The following PRKCA variants were observed in gnomAD, a reference collection of about 807,000 sequenced individuals.
PRKCA encodes protein kinase C alpha type.
In PRKCA, 27 loss-of-function variants were observed where a neutral mutation model predicts 87.0. That is an observed-to-expected ratio of 0.31 (90% confidence interval 0.23 to 0.43). The LOEUF (loss-of-function observed/expected upper bound fraction) is 0.43, where lower values mean the gene tolerates loss of function less well. Ranked by LOEUF, PRKCA falls within the 20% of genes least tolerant of loss-of-function variation. The pLI is 1.00. For synonymous variants in PRKCA, 329 were observed against 311.1 expected (o/e 1.06, Z -0.61); for missense variants, 518 against 852.3 (o/e 0.61, Z 4.88).
chr17:66,556,323 CTTTTT>C (rs61549626), intron 3 of PRKCA, among the ~76,000 whole-genome samples: 7 of 129,000 alleles, frequency 5.4e-5, no homozygotes, highest in African/African-American at 2.0e-4. Context: ...CTTTCTTCTT[CTTTTT>C]TTTTTTTTTT....
rs532045645 is a variant in PRKCA at position 66,753,825 on chromosome 17, C to T, written c.1524+11065C>T. ...CACAGCGAGAAGGAGGCAGCCAGCA[C>T]GGCACCAAGAGAGGCCTCACCAGAA... On this transcript the variant is annotated intron_variant, in intron 13 of 16. Transcript: ENST00000413366. Among the ~76,000 whole-genome samples the T allele has an allele frequency of 8.5e-5, 13 of 152,218 alleles. No homozygotes were observed. In the East Asian group the frequency reaches 1.6e-3, roughly 18 times the overall value.
intron 2 of PRKCA, among the ~76,000 whole-genome samples, chr17:66,396,878 TC>T (rs1316916343): frequency 3.3e-5 from 5 of 151,632 alleles, no homozygotes; most frequent in Non-Finnish European, 7.4e-5. Flanking sequence ...TGAATACCTT[TC>T]TACATACATA....
intron 4 of PRKCA, 32 bp from the exon 5 acceptor site, chr17:66,645,351 C>T: frequency 6.2e-7 from 1 of 1,613,638 alleles, no homozygotes; most frequent in Non-Finnish European, 8.5e-7. Context: ...AGTCCATATG[C>T]CCAGCTCACC....
chr17:66,670,199 C>A (rs1386125770), intron 5 of PRKCA, among the ~76,000 whole-genome samples: 2 of 151,992 alleles, frequency 1.3e-5, no homozygotes, highest in East Asian at 3.9e-4. Context: ...TAAAGGCGAG[C>A]TAAAGAGGAC....
chr17:66,553,401 T>C (rs887012031), intron 3 of PRKCA, among the ~76,000 whole-genome samples: 37 of 152,304 alleles, frequency 2.4e-4, no homozygotes, highest in African/African-American at 8.7e-4. Context: ...GTTTCCTTCC[T>C]CTTGTGTGTT....
intron 2 of PRKCA, among the ~76,000 whole-genome samples, chr17:66,341,318 A>G (rs995884017): frequency 6.6e-5 from 10 of 152,216 alleles, no homozygotes; most frequent in Non-Finnish European, 1.3e-4. Flanking sequence ...CCATCAGAGC[A>G]TGGTGACATT....
chr17:66,594,663 C>G (rs1299418291), intron 3 of PRKCA, among the ~76,000 whole-genome samples: 1 of 152,010 alleles, frequency 6.6e-6, no homozygotes, highest in East Asian at 1.9e-4. Context: ...TTAAATTCCC[C>G]AGATCCAAGA....
At chr17:66,306,013 G>A in intron 1 of PRKCA, 83 bp from the exon 2 acceptor site, 7 of 1,273,450 alleles carry the variant, frequency 5.5e-6, no homozygotes, top group Non-Finnish European at 8.0e-6. Flanking sequence ...TAGTGGTAGA[G>A]TACTTGGTCA....
intron 2 of PRKCA, among the ~76,000 whole-genome samples, chr17:66,364,748 C>T (rs1004103749): frequency 2.6e-5 from 4 of 152,146 alleles, no homozygotes; most frequent in Non-Finnish European, 5.9e-5. Context: ...CTCAGGCACA[C>T]ATTAATGGAT....
At chr17:66,640,220 C>T (rs1464037536) in intron 3 of PRKCA, among the ~76,000 whole-genome samples, 1 of 152,126 alleles carries the variant, frequency 6.6e-6, no homozygotes, top group African/African-American at 2.4e-5. Context: ...GTAATTCGTC[C>T]AAGGCCATGC....
At chr17:66,441,710 G>A (rs866750169) in intron 2 of PRKCA, among the ~76,000 whole-genome samples, 1 of 152,038 alleles carries the variant, frequency 6.6e-6, no homozygotes, top group Admixed American at 6.5e-5. Flanking sequence ...CCTGTAGCCA[G>A]TTTTCATGTT....
chr17:66,802,679 C>T (rs377121851), intron 16 of PRKCA, among the ~76,000 whole-genome samples: 14 of 152,294 alleles, frequency 9.2e-5, no homozygotes, highest in African/African-American at 2.6e-4. Flanking sequence ...CTGTGCAAAA[C>T]CCCATACATT....
chr17:66,460,007 A>C (rs1374940000), intron 2 of PRKCA, among the ~76,000 whole-genome samples: 1 of 152,154 alleles, frequency 6.6e-6, no homozygotes, highest in Non-Finnish European at 1.5e-5. Flanking sequence ...CGCTCACTGG[A>C]TGCAAGCCTT....
intron 2 of PRKCA, among the ~76,000 whole-genome samples, chr17:66,334,043 G>A (rs1357945635): frequency 6.6e-6 from 1 of 152,142 alleles, no homozygotes; most frequent in Non-Finnish European, 1.5e-5. Context: ...CTGAGATCAG[G>A]AGTTCAAGAC....
intron 2 of PRKCA, among the ~76,000 whole-genome samples, chr17:66,321,587 A>G (rs183198093): frequency 6.6e-6 from 1 of 152,142 alleles, no homozygotes; most frequent in Non-Finnish European, 1.5e-5. Context: ...TCTGTCGTCT[A>G]TGCTGGAGTG....
intron 8 of PRKCA, among the ~76,000 whole-genome samples, chr17:66,728,231 G>T (rs1307094356): frequency 2.0e-5 from 3 of 152,182 alleles, no homozygotes; most frequent in Non-Finnish European, 2.9e-5. Flanking sequence ...TCTGATCTCA[G>T]GGCTGGCTTG....
At chr17:66,431,186 A>G (rs1387898541) in intron 2 of PRKCA, among the ~76,000 whole-genome samples, 1 of 152,184 alleles carries the variant, frequency 6.6e-6, no homozygotes, top group Non-Finnish European at 1.5e-5. Context: ...AAGAATAACA[A>G]TGTATTTGAA....
chr17:66,577,864 C>T (rs976773679), intron 3 of PRKCA, among the ~76,000 whole-genome samples: 18 of 151,934 alleles, frequency 1.2e-4, no homozygotes, highest in African/African-American at 4.4e-4. Context: ...GGGTGCTGCC[C>T]TAGCCTGTTC....
At chr17:66,683,594 A>G (rs1014634995) in intron 5 of PRKCA, among the ~76,000 whole-genome samples, 15 of 151,532 alleles carry the variant, frequency 9.9e-5, no homozygotes, top group African/African-American at 3.6e-4. Flanking sequence ...CTCTGACTCC[A>G]TATCTTTTTT....
Sources: gnomAD v4.1 joint callset for allele counts (sites outside exome capture counted in the v4.1 genomes callset) on GRCh38, gnomAD v4.1.1 for gene constraint, MANE v1.5 for transcripts, NCBI Gene and HGNC (gene_info 2026-07-23, HGNC 2026-07-21) for gene names.